Variants in NEDD9 observed in about 807,000 individuals in gnomAD.
NEDD9 encodes the protein enhancer of filamentation 1.
NEDD9 carries 26 observed loss-of-function variants against 76.6 expected under a neutral mutation model. That is an observed-to-expected ratio of 0.34 (90% confidence interval 0.25 to 0.47). The LOEUF (loss-of-function observed/expected upper bound fraction) is 0.47, where lower values mean the gene tolerates loss of function less well. Ranked by LOEUF, NEDD9 falls within the 20% of genes least tolerant of loss-of-function variation. NEDD9 has a pLI of 1.00. For synonymous variants in NEDD9, 392 were observed against 414.2 expected (o/e 0.95, Z 0.65); for missense variants, 937 against 1,058.5 (o/e 0.89, Z 1.59).
At chr6:11,311,394 C>T (rs1332281229) in intron 2 of NEDD9, among the ~76,000 whole-genome samples, 1 of 152,188 alleles carries the variant, frequency 6.6e-6, no homozygotes, top group Non-Finnish European at 1.5e-5. Flanking sequence ...ACAGCCCTCT[C>T]AAGCCACCAA....
intron 1 of NEDD9, among the ~76,000 whole-genome samples, chr6:11,356,048 G>A (rs1762570135): frequency 6.6e-6 from 1 of 152,150 alleles, no homozygotes; most frequent in Admixed American, 6.5e-5. Context: ...ACTAAGAGCT[G>A]CAACAGCCAC....
At chr6:11,335,904 C>A (rs1039815522) in intron 1 of NEDD9, among the ~76,000 whole-genome samples, 1 of 152,166 alleles carries the variant, frequency 6.6e-6, no homozygotes, top group Non-Finnish European at 1.5e-5. Context: ...CCAGGGTTTC[C>A]TGGAGGATAA....
chr6:11,301,063 C>T (rs569857743), intron 3 of NEDD9, among the ~76,000 whole-genome samples: 14 of 152,268 alleles, frequency 9.2e-5, no homozygotes, highest in African/African-American at 2.2e-4. Context: ...TTAAAAGTCA[C>T]GGACTGGCAA....
At chr6:11,311,090 C>T (rs1016058052) in intron 2 of NEDD9, among the ~76,000 whole-genome samples, 1 of 152,080 alleles carries the variant, frequency 6.6e-6, no homozygotes, top group Non-Finnish European at 1.5e-5. Context: ...CCTTTAAGAC[C>T]CTGAAGTCAG....
chr6:11,345,527 A>G (rs1223936643), intron 1 of NEDD9, among the ~76,000 whole-genome samples: 5 of 152,188 alleles, frequency 3.3e-5, no homozygotes, highest in African/African-American at 1.2e-4. Context: ...CCTGCCAACT[A>G]TATGTGGAGC....
chr6:11,208,636 C>T (rs1758681030), intron 2 of NEDD9, among the ~76,000 whole-genome samples: 1 of 152,242 alleles, frequency 6.6e-6, no homozygotes, highest in South Asian at 2.1e-4. Flanking sequence ...AGGAGGCAGC[C>T]ATGGCCCCTG....
intron 3 of NEDD9, among the ~76,000 whole-genome samples, chr6:11,277,807 T>G (rs1041223034): frequency 6.6e-6 from 1 of 152,174 alleles, no homozygotes; most frequent in African/African-American, 2.4e-5. Context: ...TCTAGGGCAA[T>G]AGGGACTTTC....
chr6:11,329,396 C>A (rs550354075), intron 2 of NEDD9, among the ~76,000 whole-genome samples: 1 of 152,296 alleles, frequency 6.6e-6, no homozygotes, highest in Admixed American at 6.5e-5. Context: ...GTTAACTCAC[C>A]CCACAACCTG....
At position 11,198,112 on chromosome 6, in the gene NEDD9, G is replaced by A. The variant is rs1354606266; in HGVS notation, c.460-4420C>T. Among the ~76,000 whole-genome samples the A allele has an allele frequency of 6.6e-6, 1 of 152,192 alleles. No homozygotes were observed. Among genetic ancestry groups the A allele is most frequent in the Non-Finnish European group, 1.5e-5 (1 of 68,032 alleles). Reference sequence around the variant, plus strand: ...ACAGAACTCCTTCTACCGAAAGAGGGAAGACATTGCGCCCTGTGTTGCCAG... The same window carrying A: ...ACAGAACTCCTTCTACCGAAAGAGGAAAGACATTGCGCCCTGTGTTGCCAG... On this transcript the variant is annotated intron_variant, in intron 2 of 6. Transcript: ENST00000379446. This position sits in a 1 kb window ranked among gnomAD's most constrained non-coding sequence, Gnocchi z 4.7.
chr6:11,200,787 T>C (rs1758425028), intron 2 of NEDD9: 1 of 1,429,030 alleles, frequency 7.0e-7, no homozygotes, highest in Non-Finnish European at 9.1e-7. Flanking sequence ...TGTTTTCTGC[T>C]GTTCGTATCA....
chr6:11,235,812 C>T (rs916915164), upstream of NEDD9, among the ~76,000 whole-genome samples: 24 of 152,148 alleles, frequency 1.6e-4, no homozygotes, highest in African/African-American at 4.3e-4. This position sits in a 1 kb window ranked among gnomAD's most constrained non-coding sequence, Gnocchi z 4.1. Context: ...GTGTGCTTAG[C>T]GTGGGGTACA....
chr6:11,347,552 A>C (rs1353988137), intron 1 of NEDD9, among the ~76,000 whole-genome samples: 1 of 152,238 alleles, frequency 6.6e-6, no homozygotes, highest in African/African-American at 2.4e-5. Flanking sequence ...GCCCTCAGCA[A>C]AATACTAGCA....
At chr6:11,332,546 G>C (rs1255831806) in intron 2 of NEDD9, among the ~76,000 whole-genome samples, 1 of 152,136 alleles carries the variant, frequency 6.6e-6, no homozygotes, top group African/African-American at 2.4e-5. Flanking sequence ...CTTCATTTTA[G>C]AATCATACAT....
At chr6:11,264,049 T>C (rs1399362395) in intron 3 of NEDD9, among the ~76,000 whole-genome samples, 1 of 152,200 alleles carries the variant, frequency 6.6e-6, no homozygotes, top group East Asian at 1.9e-4. Flanking sequence ...TAGAGCCTCC[T>C]TCATGGAAGA....
upstream of NEDD9, among the ~76,000 whole-genome samples, chr6:11,237,366 G>C (rs1759626080): frequency 6.6e-6 from 1 of 152,166 alleles, no homozygotes; most frequent in Non-Finnish European, 1.5e-5. This position sits in a 1 kb window ranked among gnomAD's most constrained non-coding sequence, Gnocchi z 4.9. Flanking sequence ...TAACTTCAAA[G>C]AACGTATGTT....
chr6:11,359,165 T>C (rs542727060), intron 1 of NEDD9, among the ~76,000 whole-genome samples: 63 of 152,080 alleles, frequency 4.1e-4, no homozygotes, highest in African/African-American at 1.3e-3. Context: ...GCTAGAGGGG[T>C]TACAGAGACA....
intron 2 of NEDD9, among the ~76,000 whole-genome samples, chr6:11,321,153 G>A (rs77754530): frequency 3.9e-4 from 39 of 99,918 alleles, no homozygotes; most frequent in African/African-American, 1.6e-3. Context: ...GGGACAGAAG[G>A]AAGGAGGGAG....
At chr6:11,341,891 A>G (rs922817803) in intron 1 of NEDD9, among the ~76,000 whole-genome samples, 1 of 152,216 alleles carries the variant, frequency 6.6e-6, no homozygotes, top group Non-Finnish European at 1.5e-5. Flanking sequence ...AAATAAAGAC[A>G]TTAAAACATA....
intron 3 of NEDD9, among the ~76,000 whole-genome samples, chr6:11,246,636 G>A (rs549618657): frequency 1.3e-5 from 2 of 152,236 alleles, no homozygotes; most frequent in South Asian, 4.1e-4. Context: ...CCTGCTTTTG[G>A]GCTTTGCTCA....
Sources: allele counts gnomAD v4.1 joint callset (sites outside exome capture counted in the v4.1 genomes callset), GRCh38; gene constraint gnomAD v4.1.1; non-coding constraint Gnocchi (gnomAD v3.1); transcripts MANE v1.5; gene names NCBI Gene and HGNC (gene_info 2026-07-23, HGNC 2026-07-21).